The following SLC9A9 variants were observed in gnomAD, a reference collection of about 807,000 sequenced individuals.
The protein encoded by SLC9A9 is sodium/hydrogen exchanger 9.
Under a neutral mutation model 77.8 loss-of-function variants are expected in SLC9A9, and 62 were observed. The observed-to-expected ratio is 0.80, with a 90% CI of 0.65 to 0.98. The LOEUF is 0.98. Among genes scored for constraint, SLC9A9 ranks in the 50% least tolerant of loss-of-function variants. The pLI, the probability that SLC9A9 is intolerant of heterozygous loss-of-function variation, is 0.00. For synonymous variants in SLC9A9, 320 were observed against 283.5 expected (o/e 1.13, Z -1.29); for missense variants, 775 against 774.9 (o/e 1.00, Z 0.00).
In SLC9A9 at chr3:143,832,197, C is replaced by A. The variant is rs372558008; in HGVS notation, c.200G>T (p.Arg67Leu). ...AATATCAGTTGGTGCTGTAGCATAT[C>A]GTAAAATTAGTCCCATTATAAGGCC... ...VYGLIMGLILRYATAPTDIES... is the reference protein window; with the variant it reads ...VYGLIMGLILLYATAPTDIES... The change falls in exon 2 of 16, where the codon CGA becomes CTA. Residue 67 changes from arginine to leucine, a missense_variant. Physicochemically the swap from Arg to Leu is moderately radical, Grantham distance 102 (BLOSUM62 -2). Transcript: ENST00000316549. 6.5e-5 allele frequency: 105 copies of A among 1,611,690 alleles called. No homozygotes were observed. Among genetic ancestry groups the A allele is most frequent in the Non-Finnish European group, 8.6e-5 (102 of 1,179,318 alleles).
chr3:143,293,637 G>A (rs2030117274), intron 14 of SLC9A9, among the ~76,000 whole-genome samples: 1 of 152,146 alleles, frequency 6.6e-6, no homozygotes, highest in Non-Finnish European at 1.5e-5. Flanking sequence ...AATATGATCT[G>A]GGATTGAGTT....
chr3:143,682,175 T>C (rs1933122491), intron 5 of SLC9A9, among the ~76,000 whole-genome samples: 2 of 152,088 alleles, frequency 1.3e-5, no homozygotes, highest in Admixed American at 1.3e-4. Flanking sequence ...CTTAGGAAAA[T>C]CAGATAAATT....
chr3:143,288,055 G>T (rs1578264148), intron 14 of SLC9A9, among the ~76,000 whole-genome samples: 2 of 152,150 alleles, frequency 1.3e-5, no homozygotes, highest in Non-Finnish European at 2.9e-5. Context: ...ACTGGTCATT[G>T]CTTCTACTGC....
In SLC9A9 at chr3:143,268,932, T is replaced by C; in HGVS notation, c.1653A>G (p.Thr551=). ...LTHSGPPLTT[T]LPEWCGPISR... The stretch of plus-strand genomic sequence containing the variant: ...AAATCGGACCACACCATTCAGGTAA[T>C]GTTGTAGTCAGCGGAGGACCAGAGT... Residue 551 remains threonine, a synonymous_variant, in exon 15 of 16, where the codon ACA becomes ACG. Coordinates refer to ENST00000316549, the MANE Select transcript of SLC9A9 (RefSeq NM_173653.4). 6.2e-7 allele frequency: 1 copy of C among 1,613,584 alleles called. No homozygotes were observed. Among genetic ancestry groups the C allele is most frequent in the Non-Finnish European group, 8.5e-7 (1 of 1,179,778 alleles).
intron 14 of SLC9A9, among the ~76,000 whole-genome samples, chr3:143,270,782 G>C (rs1254751784): frequency 6.6e-6 from 1 of 152,116 alleles, no homozygotes; most frequent in African/African-American, 2.4e-5. Context: ...TGTTACAAAA[G>C]TAAAATATAA....
chr3:143,577,889 C>T (rs1327239049), intron 7 of SLC9A9, among the ~76,000 whole-genome samples: 1 of 152,188 alleles, frequency 6.6e-6, no homozygotes, highest in Non-Finnish European at 1.5e-5. Flanking sequence ...TTCTGGCCTT[C>T]CTCCTCTACT....
At chr3:143,797,057 A>T (rs11718136) in intron 2 of SLC9A9, 154 bp from the exon 3 acceptor site, 98,437 of 599,496 alleles carry the variant, frequency 0.16, 9,379 homozygotes, top group South Asian at 0.28. Flanking sequence ...AAAAATGAAA[A>T]TTTGGAAATT....
At chr3:143,783,551 A>G (rs1355502839) in intron 4 of SLC9A9, among the ~76,000 whole-genome samples, 1 of 152,196 alleles carries the variant, frequency 6.6e-6, no homozygotes, top group East Asian at 1.9e-4. Flanking sequence ...GAATATTCAC[A>G]TATTTGTATG....
intron 14 of SLC9A9, among the ~76,000 whole-genome samples, chr3:143,354,878 T>C (rs1338996850): frequency 6.6e-6 from 1 of 152,204 alleles, no homozygotes; most frequent in African/African-American, 2.4e-5. Flanking sequence ...AAGGTGCAAT[T>C]GAAAGATTTC....
At chr3:143,578,911 C>A (rs183962862) in intron 6 of SLC9A9, among the ~76,000 whole-genome samples, 188 bp from the exon 7 acceptor site, 189 of 152,236 alleles carry the variant, frequency 1.2e-3, no homozygotes, top group African/African-American at 4.1e-3. Context: ...CCTTATAGCC[C>A]CATCCCATGG....
At chr3:143,580,565 A>G (rs1414276738) in intron 6 of SLC9A9, among the ~76,000 whole-genome samples, 1 of 152,212 alleles carries the variant, frequency 6.6e-6, no homozygotes, top group Non-Finnish European at 1.5e-5. Context: ...TTATTAAAGA[A>G]TATCTATGAA....
At chr3:143,518,999 T>C (rs1242643415) in intron 9 of SLC9A9, among the ~76,000 whole-genome samples, 1 of 152,248 alleles carries the variant, frequency 6.6e-6, no homozygotes, top group Non-Finnish European at 1.5e-5. Flanking sequence ...AAACTTGACA[T>C]TTGTTGATTT....
chr3:143,595,976 G>C (rs1029534339), intron 6 of SLC9A9, among the ~76,000 whole-genome samples: 3 of 152,122 alleles, frequency 2.0e-5, no homozygotes, highest in African/African-American at 7.2e-5. Context: ...TTTGAGGGGG[G>C]AATGTTTTTA....
intron 13 of SLC9A9, among the ~76,000 whole-genome samples, chr3:143,377,555 C>G (rs1365570585): frequency 6.6e-6 from 1 of 152,044 alleles, no homozygotes; most frequent in Non-Finnish European, 1.5e-5. Context: ...AAAGGACAAC[C>G]AAAACCAGAA....
chr3:143,296,290 C>A (rs552097940), intron 14 of SLC9A9, among the ~76,000 whole-genome samples: 1 of 152,322 alleles, frequency 6.6e-6, no homozygotes, highest in East Asian at 1.9e-4. Context: ...ATTTTGGATA[C>A]CTCATGTAAG....
intron 4 of SLC9A9, among the ~76,000 whole-genome samples, chr3:143,736,153 C>G (rs985380814): frequency 1.3e-5 from 2 of 152,176 alleles, no homozygotes; most frequent in African/African-American, 2.4e-5. Context: ...ATGTGTCTCT[C>G]TCTCTGGAAA....
chr3:143,792,175 C>T (rs972846954), intron 4 of SLC9A9, among the ~76,000 whole-genome samples: 1 of 152,078 alleles, frequency 6.6e-6, no homozygotes, highest in South Asian at 2.1e-4. Context: ...TTAAAAAGGG[C>T]ATGATACGTA....
At chr3:143,433,286 G>A (rs1330771539) in intron 12 of SLC9A9, among the ~76,000 whole-genome samples, 1 of 152,140 alleles carries the variant, frequency 6.6e-6, no homozygotes, top group Non-Finnish European at 1.5e-5. Context: ...AGAGATGGTT[G>A]CTGGGTTCTT....
intron 14 of SLC9A9, among the ~76,000 whole-genome samples, chr3:143,352,126 C>T (rs1464773501): frequency 6.6e-6 from 1 of 152,160 alleles, no homozygotes; most frequent in African/African-American, 2.4e-5. Flanking sequence ...GACACCCACT[C>T]GCTGCTCTTG....
Sources: gnomAD v4.1 joint callset for allele counts (sites outside exome capture counted in the v4.1 genomes callset) on GRCh38, gnomAD v4.1.1 for gene constraint, MANE v1.5 for transcripts, NCBI Gene and HGNC (gene_info 2026-07-23, HGNC 2026-07-21) for gene names.